CDC45: variants seen among roughly 807,000 people sequenced by gnomAD.
CDC45 encodes the protein cell division control protein 45 homolog.
Under a neutral mutation model 77.8 loss-of-function variants are expected in CDC45, and 54 were observed. The ratio of observed to expected loss-of-function variants is 0.69; its 90% CI spans 0.56 to 0.87. CDC45 has a LOEUF of 0.87. Ranked by LOEUF, CDC45 falls within the 40% of genes least tolerant of loss-of-function variation. The pLI is 0.00. For missense variants in CDC45, 649 were observed against 721.6 expected (o/e 0.90, Z 1.15); for synonymous variants, 260 against 272.1 (o/e 0.96, Z 0.44).
intron 7 of CDC45, 111 bp from the exon 8 acceptor site, chr22:19,497,275 C>A: frequency 1.1e-6 from 1 of 892,742 alleles, no homozygotes; most frequent in Non-Finnish European, 1.8e-6. Flanking sequence ...GTAGACCCTC[C>A]ATCCGCAGGG....
chr22:19,506,882 C>G (rs184930547), intron 10 of CDC45, among the ~76,000 whole-genome samples: 2 of 151,334 alleles, frequency 1.3e-5, no homozygotes, highest in Admixed American at 6.6e-5. Flanking sequence ...TGCAGCGAGC[C>G]GAGATCGTGC....
chr22:19,511,606 A>G (rs1415101830), intron 13 of CDC45, among the ~76,000 whole-genome samples: 1 of 152,136 alleles, frequency 6.6e-6, no homozygotes, highest in Admixed American at 6.5e-5. Flanking sequence ...CTGGGATTAT[A>G]GGTATGAACC....
In CDC45 at chr22:19,480,230, G is replaced by T; in HGVS notation, c.111+13G>T. ...CAAGATCCTTCAGGTGAGTTCTGCG[G>T]ACCCTAGGAGGGCGGGGCCGGCGCG... On this transcript the variant is annotated intron_variant, in intron 2 of 18. Transcript: ENST00000263201. 6.2e-7 allele frequency: 1 copy of T among 1,612,866 alleles called. No homozygotes were observed. The highest frequency in any genetic ancestry group is 8.5e-7 in the Non-Finnish European group (1 of 1,179,364).
intron 10 of CDC45, among the ~76,000 whole-genome samples, chr22:19,507,140 C>CCCTGTGCTCCAGATTCTCTG (rs1933234430): frequency 6.6e-6 from 1 of 152,164 alleles, no homozygotes; most frequent in Non-Finnish European, 1.5e-5. Context: ...CTTTGCAGAC[C>CCCTGTGCTCCAGATTCTCTG]CCTGTGCTCC....
rs13447261 is a variant in CDC45 at position 19,507,170 on chromosome 22, C to T, written c.825-216C>T. Among the ~76,000 whole-genome samples, 5,480 of 152,292 alleles carry T rather than the reference C, an allele frequency of 0.036. 255 individuals carry two copies. The highest frequency in any genetic ancestry group is 0.095 in the East Asian group (492 of 5,176). ...TGCTCCAGATTCTCTGCCTGTCAGA[C>T]GGATGGTGGTCTATGCCTGTCACTT... is the stretch of plus-strand genomic sequence containing the variant. On this transcript the variant is annotated intron_variant, in intron 10 of 18. Transcript: ENST00000263201.
intron 5 of CDC45, among the ~76,000 whole-genome samples, chr22:19,487,111 T>A (rs1210577077): frequency 1.3e-5 from 2 of 151,834 alleles, no homozygotes; most frequent in Non-Finnish European, 2.9e-5. Context: ...CTGACCAACA[T>A]GGAGAAACCC....
intron 5 of CDC45, among the ~76,000 whole-genome samples, chr22:19,492,506 G>GT (rs1315601596): frequency 2.6e-5 from 4 of 151,810 alleles, no homozygotes; most frequent in Non-Finnish European, 5.9e-5. Flanking sequence ...GCTTTCATTT[G>GT]TTTCAATCGT....
intron 9 of CDC45, among the ~76,000 whole-genome samples, chr22:19,501,372 C>A (rs1425820956): frequency 6.6e-6 from 1 of 152,154 alleles, no homozygotes; most frequent in African/African-American, 2.4e-5. Flanking sequence ...GCAGTGTCAA[C>A]CTTCGGTGCA....
At chr22:19,486,368 A>G (rs2090066765) in intron 5 of CDC45, among the ~76,000 whole-genome samples, 1 of 152,186 alleles carries the variant, frequency 6.6e-6, no homozygotes, top group Non-Finnish European at 1.5e-5. Context: ...AGCTATTTTT[A>G]TTTCTGAACT....
intron 10 of CDC45, among the ~76,000 whole-genome samples, chr22:19,506,980 A>T (rs1362761911): frequency 6.6e-6 from 1 of 150,450 alleles, no homozygotes; most frequent in Non-Finnish European, 1.5e-5. Flanking sequence ...CGCTTCGTGG[A>T]TGGGGTCCCA....
chr22:19,515,077 C>T, intron 15 of CDC45, 29 bp downstream of exon 15: 7 of 1,562,186 alleles, frequency 4.5e-6, no homozygotes, highest in Admixed American at 1.8e-5. Flanking sequence ...GCTGTGGGTA[C>T]AGGAGGGCAG....
At chr22:19,487,292 CAAAAAAAAAAA>C (rs754969437) in intron 5 of CDC45, among the ~76,000 whole-genome samples, 1 of 59,520 alleles carries the variant, frequency 1.7e-5, no homozygotes, top group African/African-American at 6.0e-5. Flanking sequence ...ACTCTTGTCT[CAAAAAAAAAAA>C]AAAAAAAAGA....
Position 19,505,730 on chromosome 22 carries a change from G to C in CDC45, c.824+249G>C, listed in dbSNP as rs13447253. On this transcript the variant is annotated intron_variant, in intron 10 of 18. Transcript: ENST00000263201. ...CATCCCTGTAAAGTGCTTATTGTGG[G>C]CCTGGCTCTGGACATGGTAGCAGTG... is the stretch of plus-strand genomic sequence containing the variant. Among the ~76,000 whole-genome samples, 25,030 of 152,240 alleles carry C rather than the reference G, an allele frequency of 0.16. 2,203 individuals carry two copies. Among genetic ancestry groups the C allele is most frequent in the East Asian group, 0.31 (1,613 of 5,178 alleles).
chr22:19,479,745 A>T (rs926386591), upstream of CDC45: 3 of 654,192 alleles, frequency 4.6e-6, no homozygotes, highest in African/African-American at 1.8e-5. Context: ...CTCAGAGGTG[A>T]CGCTTCTTTG....
chr22:19,516,818 T>A lies in CDC45; in HGVS notation c.1561T>A (p.Phe521Ile). ...CCGACATGTCTTGTGTGTCAGCAGC[T>A]TTTTTGGGAGGGCGTTTGAGAAGGC... ...PETDSSDRKN[F>I]FGRAFEKAAE... The change falls in exon 17 of 19, where the codon TTT (phenylalanine) becomes ATT (isoleucine). Residue 521 changes from phenylalanine to isoleucine, a missense_variant and splice_region_variant. By Grantham distance (21) the Phe-to-Ile change is conservative. Transcript: ENST00000263201. 6.2e-7 allele frequency: 1 copy of A among 1,613,016 alleles called. No individual in the cohort carries two copies. The highest frequency in any genetic ancestry group is 1.7e-5 in the Admixed American group (1 of 59,972).
chr22:19,518,887 A>G lies in CDC45; in HGVS notation c.1680A>G (p.Ala560=), dbSNP rs746649567. 10 of 1,613,904 alleles carry G rather than the reference A, an allele frequency of 6.2e-6. No individual in the cohort carries two copies. The South Asian group carries it at 6.6e-5, about 11-fold the overall frequency. Residue 560 remains alanine (A), a synonymous_variant, in exon 18 of 19, where the codon GCA becomes GCG. Coordinates refer to ENST00000263201, the MANE Select transcript of CDC45 (RefSeq NM_003504.5). ...AGGATCGGAGCAAGTTTCTGGACGC[A>G]CTTATTTCCCTCCTGTCCTAGGGTG... The part of the protein sequence containing the change: ...KAEDRSKFLD[A]LISLLS
chr22:19,499,420 C>T (rs541396850), intron 9 of CDC45, among the ~76,000 whole-genome samples: 1 of 152,234 alleles, frequency 6.6e-6, no homozygotes, highest in African/African-American at 2.4e-5. Context: ...GTGCTGGGTG[C>T]TACCAGCAGG....
intron 9 of CDC45, among the ~76,000 whole-genome samples, chr22:19,503,817 C>T (rs5748245): frequency 0.04 from 6,031 of 152,270 alleles, 213 homozygotes; most frequent in South Asian, 0.13. Flanking sequence ...TTGAAGAGGC[C>T]ACAGGACCTC....
At chr22:19,518,942 AG>A (rs769591670) in intron 18 of CDC45, 33 bp downstream of exon 18, 1 of 1,551,588 alleles carries the variant, frequency 6.4e-7, no homozygotes, top group South Asian at 1.1e-5. Context: ...GGGTGGCTGC[AG>A]CAGCCCCCTC....
Sources: gnomAD v4.1 joint callset for allele counts (sites outside exome capture counted in the v4.1 genomes callset) on GRCh38, gnomAD v4.1.1 for gene constraint, MANE v1.5 for transcripts, NCBI Gene and HGNC (gene_info 2026-07-23, HGNC 2026-07-21) for gene names.